Variants in THSD4 observed in about 807,000 individuals in gnomAD.
THSD4 encodes the protein thrombospondin type-1 domain-containing protein 4.
THSD4 carries 69 observed loss-of-function variants against 119.0 expected under a neutral mutation model. The observed-to-expected ratio is 0.58, with a 90% CI of 0.48 to 0.71. The LOEUF is 0.71. Ranked by LOEUF, THSD4 falls within the 30% of genes least tolerant of loss-of-function variation. The probability of loss-of-function intolerance (pLI) is 0.00; values close to 1 mark genes in which losing one functional copy is unlikely to be tolerated. For missense variants in THSD4, 1,393 were observed against 1,391.1 expected, an observed-to-expected ratio of 1.00 and a Z score of -0.02; for synonymous variants, 524 against 540.4, an observed-to-expected ratio of 0.97 and a Z score of 0.42.
intron 3 of THSD4, among the ~76,000 whole-genome samples, chr15:71,212,355 T>C (rs141543343): frequency 5.2e-4 from 79 of 152,344 alleles, no homozygotes; most frequent in African/African-American, 1.8e-3. Flanking sequence ...TAGGACGGAA[T>C]GTGGCTTCAT....
At chr15:71,103,952 A>C (rs10048002) in intron 1 of THSD4, among the ~76,000 whole-genome samples, 34,214 of 152,016 alleles carry the variant, frequency 0.23, 4,946 homozygotes, top group African/African-American at 0.42. Flanking sequence ...GGAGGGAAAA[A>C]AATTCACTAC....
intron 8 of THSD4, among the ~76,000 whole-genome samples, chr15:71,727,579 TATATATATACAC>T (rs2052880901): frequency 7.8e-5 from 1 of 12,888 alleles, no homozygotes; most frequent in African/African-American, 1.5e-4. Flanking sequence ...TATATATATA[TATATATATACAC>T]ACACACACAC....
At chr15:71,318,256 C>A (rs926822682) in intron 6 of THSD4, among the ~76,000 whole-genome samples, 1 of 152,146 alleles carries the variant, frequency 6.6e-6, no homozygotes, top group Non-Finnish European at 1.5e-5. Context: ...CCTCCAAAGT[C>A]ACCACAGACT....
rs569036295 is a variant in THSD4, at chr15:71,407,463, A to G, written c.1016-4224A>G. Among the ~76,000 whole-genome samples, 137 of 152,190 alleles carry G rather than the reference A, an allele frequency of 9.0e-4. 1 individual carries two copies. Among genetic ancestry groups the G allele is most frequent in the African/African-American group, 3.1e-3 (129 of 41,540 alleles). On this transcript the variant is annotated intron_variant, in intron 6 of 17. Transcript: ENST00000261862. Reference sequence around the variant, plus strand: ...TATTACTTTTTAAAAACTCTTCACTATTATATCAATGGCTTTTCCAAGGAA... The same window carrying G: ...TATTACTTTTTAAAAACTCTTCACTGTTATATCAATGGCTTTTCCAAGGAA...
At chr15:71,725,661 A>C (rs934089464) in intron 8 of THSD4, among the ~76,000 whole-genome samples, 2 of 152,110 alleles carry the variant, frequency 1.3e-5, no homozygotes, top group African/African-American at 4.8e-5. Flanking sequence ...GGCCTGGGAA[A>C]CACCCATTGG....
intron 7 of THSD4, among the ~76,000 whole-genome samples, chr15:71,649,062 A>G (rs777269947): frequency 7.2e-5 from 11 of 152,190 alleles, no homozygotes; most frequent in Non-Finnish European, 1.3e-4. Context: ...GAACGTAGAA[A>G]AGAAATTTTT....
intron 11 of THSD4, 170 bp downstream of exon 11, chr15:71,738,177 C>A: frequency 1.2e-6 from 1 of 833,062 alleles, no homozygotes; most frequent in African/African-American, 1.7e-5. Context: ...GGTGAAACTG[C>A]CCTATCGCAG....
intron 6 of THSD4, among the ~76,000 whole-genome samples, chr15:71,375,688 A>G (rs2046126019): frequency 6.6e-6 from 1 of 152,130 alleles, no homozygotes; most frequent in South Asian, 2.1e-4. Flanking sequence ...AAGAGGAGAG[A>G]GGATGTGGTT....
intron 6 of THSD4, among the ~76,000 whole-genome samples, chr15:71,345,242 G>T (rs926555257): frequency 1.9e-4 from 29 of 152,090 alleles, no homozygotes; most frequent in Admixed American, 1.8e-3. Context: ...GATTGATTGT[G>T]AATAAGGAGG....
At chr15:71,686,702 G>T (rs758697633) in intron 8 of THSD4, among the ~76,000 whole-genome samples, 1 of 152,182 alleles carries the variant, frequency 6.6e-6, no homozygotes, top group African/African-American at 2.4e-5. Context: ...GCACTCTGTT[G>T]TTCCAATCTC....
chr15:71,243,270 T>C (rs1028690076), intron 5 of THSD4, among the ~76,000 whole-genome samples, 174 bp downstream of exon 5: 4 of 147,788 alleles, frequency 2.7e-5, no homozygotes, highest in South Asian at 2.1e-4. Flanking sequence ...ATAGTTTTCT[T>C]TTTTTTTTTT....
At chr15:71,275,443 C>T (rs1440834175) in intron 6 of THSD4, among the ~76,000 whole-genome samples, 1 of 152,164 alleles carries the variant, frequency 6.6e-6, no homozygotes, top group Non-Finnish European at 1.5e-5. Flanking sequence ...GTGGTTGGGA[C>T]ATTTTGTTGT....
At chr15:71,617,285 TAAACTA>T (rs2050335026) in intron 7 of THSD4, among the ~76,000 whole-genome samples, 1 of 152,242 alleles carries the variant, frequency 6.6e-6, no homozygotes, top group South Asian at 2.1e-4. Context: ...TATGTGAAAT[TAAACTA>T]AAATGATTTT....
intron 1 of THSD4, among the ~76,000 whole-genome samples, chr15:71,103,828 C>T (rs2040263181): frequency 6.6e-6 from 1 of 151,908 alleles, no homozygotes; most frequent in Non-Finnish European, 1.5e-5. Context: ...TCTGACTCTT[C>T]AGAATCTCCT....
intron 7 of THSD4, among the ~76,000 whole-genome samples, chr15:71,555,031 T>A (rs1271406467): frequency 6.6e-6 from 1 of 152,196 alleles, no homozygotes; most frequent in Non-Finnish European, 1.5e-5. Context: ...ATTTTATGGT[T>A]TTCACTTCAT....
At chr15:71,542,888 CA>C (rs1295390384) in intron 7 of THSD4, among the ~76,000 whole-genome samples, 1 of 139,756 alleles carries the variant, frequency 7.2e-6, no homozygotes, top group East Asian at 2.1e-4. Flanking sequence ...AAAAAAAAAA[CA>C]AAAAAACAAA....
At position 71,765,029 on chromosome 15, in the gene THSD4, G is replaced by A. The variant is rs746041538; in HGVS notation, c.2599G>A (p.Glu867Lys). 17 of 1,613,502 alleles carry A rather than the reference G, an allele frequency of 1.1e-5. No individual in the cohort carries two copies. The Admixed American group carries it at 1.8e-4, about 17-fold the overall frequency. The change falls in exon 16 of 18, where the codon GAG becomes AAG. Residue 867 changes from glutamate (E) to lysine (K), a missense_variant. By Grantham distance (56) the Glu-to-Lys change is moderately conservative (BLOSUM62 1). Coordinates refer to ENST00000261862, the MANE Select transcript of THSD4 (RefSeq NM_024817.3). ...FAGSWSQCSI[E>K]CGSGTQQREV... ...CTGCTTCTTTCTGCAGTGTTCCATC[G>A]AGTGTGGGAGCGGGACGCAACAGAG...
chr15:71,774,025 C>T (rs945563014), intron 17 of THSD4, among the ~76,000 whole-genome samples: 4 of 152,136 alleles, frequency 2.6e-5, no homozygotes, highest in African/African-American at 9.7e-5. Context: ...AACAAACTCA[C>T]CACAGGGCCG....
chr15:71,209,547 T>C (rs912118416), intron 3 of THSD4, among the ~76,000 whole-genome samples: 1 of 152,244 alleles, frequency 6.6e-6, no homozygotes, highest in African/African-American at 2.4e-5. Context: ...ACCTCTTTCA[T>C]AGAAGGCTGA....
Sources: allele counts gnomAD v4.1 joint callset (sites outside exome capture counted in the v4.1 genomes callset), GRCh38; gene constraint gnomAD v4.1.1; transcripts MANE v1.5; gene names NCBI Gene and HGNC (gene_info 2026-07-23, HGNC 2026-07-21).